Variants in SRP19 observed in about 807,000 individuals in gnomAD.
The protein encoded by SRP19 is signal recognition particle 19 kDa protein.
In SRP19, 11 loss-of-function variants were observed where a neutral mutation model predicts 22.4. The ratio of observed to expected loss-of-function variants is 0.49; its 90% CI spans 0.31 to 0.81. SRP19 has a LOEUF of 0.81. SRP19 is among the 40% of genes least tolerant of loss of function. SRP19 has a pLI of 0.05. For missense variants in SRP19, 168 were observed against 175.9 expected, an observed-to-expected ratio of 0.96 and a Z score of 0.25; for synonymous variants, 61 against 57.6, an observed-to-expected ratio of 1.06 and a Z score of -0.27.
intron 4 of SRP19, chr5:112,891,558 C>T (rs1003692822): frequency 2.6e-6 from 4 of 1,538,376 alleles, no homozygotes; most frequent in Middle Eastern, 1.7e-4. Context: ...AGTAGAATCA[C>T]TGACAGTGGC....
intron 4 of SRP19, 84 bp downstream of exon 4, chr5:112,864,816 A>C: frequency 1.9e-6 from 2 of 1,064,290 alleles, no homozygotes; most frequent in Non-Finnish European, 2.8e-6. Context: ...CTGAAAGGTA[A>C]AAGTCAGAAT....
At position 112,864,738 on chromosome 5, in the gene SRP19, C is replaced by G. The variant is rs1448318579; in HGVS notation, c.301+6C>G. 1 of 1,604,052 alleles carries G rather than the reference C, an allele frequency of 6.2e-7. No homozygotes were observed. The highest frequency in any genetic ancestry group is 1.1e-5 in the South Asian group (1 of 89,768). The stretch of plus-strand genomic sequence containing the variant: ...CCTTGTACAGTTCCCATCACGTAAG[C>G]TTGTTTAAATGAATCAGTGGGGCTC... On this transcript the variant is annotated splice_donor_region_variant and intron_variant, in intron 4 of 4. Transcript: ENST00000505459.
intron 4 of SRP19, among the ~76,000 whole-genome samples, chr5:112,884,192 T>G (rs967766146): frequency 1.3e-5 from 2 of 152,100 alleles, no homozygotes; most frequent in African/African-American, 4.8e-5. Flanking sequence ...TCACATAGAG[T>G]AGAAGCCAAA....
In SRP19 at chr5:112,890,534, C is replaced by T. The variant is rs566496865; in HGVS notation, c.302-1069C>T. ...ACAGGCATGCAGGCACGCACCATCA[C>T]GTCTGGCTAATTTTTGTACTTTTTG... On this transcript the variant is annotated intron_variant, in intron 4 of 4. Coordinates refer to the SRP19 transcript ENST00000391338. 1.6e-4 allele frequency among the ~76,000 whole-genome samples: 24 copies of T among 150,232 alleles called. 1 individual carries two copies. The Middle Eastern group carries it at 0.014, about 86-fold the overall frequency.
downstream of SRP19, chr5:112,893,089 G>C: frequency 1.8e-6 from 1 of 546,804 alleles, no homozygotes; most frequent in Non-Finnish European, 2.7e-6. Flanking sequence ...AACTAGTTTT[G>C]TTCTTAAAAA....
chr5:112,862,682 C>T (rs1767451715), intron 2 of SRP19, 99 bp downstream of exon 2: 13 of 1,029,332 alleles, frequency 1.3e-5, no homozygotes, highest in Non-Finnish European at 1.7e-5. Context: ...GTTCTCTTCA[C>T]TGCATTTATT....
chr5:112,877,144 G>A (rs945490165), intron 4 of SRP19: 2 of 152,006 alleles, frequency 1.3e-5, no homozygotes, highest in African/African-American at 2.4e-5. Context: ...ATAAAATGCC[G>A]GTAATCACCA....
intron 4 of SRP19, chr5:112,878,763 A>C: frequency 1.2e-6 from 2 of 1,614,132 alleles, no homozygotes; most frequent in Admixed American, 1.7e-5. Context: ...CAGAGAGGGC[A>C]GGAAGTTTCC....
rs768202015 is a variant in SRP19, at chr5:112,864,439, A to G, written c.118-18A>G. 6 of 1,607,722 alleles carry G rather than the reference A, an allele frequency of 3.7e-6. No homozygotes were observed. In the South Asian group the frequency reaches 6.6e-5, roughly 18 times the overall value. ...CTTAAAGCACATATATTTAGTGTTTATGTTTTTAACTGTTCAGGCTGTTGA... is the reference window on the plus strand; with the variant it reads ...CTTAAAGCACATATATTTAGTGTTTGTGTTTTTAACTGTTCAGGCTGTTGA... On this transcript the variant is annotated intron_variant, in intron 2 of 4. Transcript: ENST00000505459.
At chr5:112,864,982 G>T in intron 4 of SRP19, 1 of 306,290 alleles carries the variant, frequency 3.3e-6, no homozygotes, top group Non-Finnish European at 6.0e-6. Context: ...ATAAACCTCT[G>T]GAAGTCTGTC....
chr5:112,884,782 C>A (rs1027212023), intron 4 of SRP19, among the ~76,000 whole-genome samples: 21 of 151,616 alleles, frequency 1.4e-4, no homozygotes, highest in South Asian at 4.2e-4. Flanking sequence ...GTCCTTGGCC[C>A]CCCCCCATCT....
chr5:112,861,359 G>A lies in SRP19; in HGVS notation c.-18G>A. Reference sequence around the variant, plus strand: ...GGTTTCTCCCTGCGGCTCCTGGGTTGTTGAGACTCTTGTGAAGATGGCTTG... The same window carrying A: ...GGTTTCTCCCTGCGGCTCCTGGGTTATTGAGACTCTTGTGAAGATGGCTTG... On this transcript the variant is annotated 5_prime_UTR_variant, in exon 1 of 5. Transcript: ENST00000505459. 1.2e-6 allele frequency: 2 copies of A among 1,614,206 alleles called. No homozygotes were observed. Among genetic ancestry groups the A allele is most frequent in the Non-Finnish European group, 1.7e-6 (2 of 1,180,036 alleles).
chr5:112,869,895 A>AT (rs1237570575), downstream of SRP19: 1 of 152,234 alleles, frequency 6.6e-6, no homozygotes, highest in African/African-American at 2.4e-5. Flanking sequence ...TGTTTCCTTT[A>AT]TAATTAATCA....
chr5:112,861,289 G>T lies in SRP19; in HGVS notation c.-88G>T, dbSNP rs953385661. The T allele has an allele frequency of 2.3e-5, 34 of 1,484,060 alleles. No individual in the cohort carries two copies. In the Admixed American group the frequency reaches 5.5e-4, roughly 24 times the overall value. 91.9% of individuals were successfully genotyped at this position (1,484,060 alleles called of 1,614,324 possible). ...GGCAGGACTTCCGGCGGAAAAGCGG[G>T]CTGTCTCGGAAACTCAGAGCCGGGT... On this transcript the variant is annotated 5_prime_UTR_variant, in exon 1 of 5. Coordinates refer to ENST00000505459, the MANE Select transcript of SRP19 (RefSeq NM_003135.3).
chr5:112,883,405 C>G (rs1267569514), intron 4 of SRP19, among the ~76,000 whole-genome samples: 1 of 152,196 alleles, frequency 6.6e-6, no homozygotes, highest in East Asian at 1.9e-4. Flanking sequence ...CAGATCACTT[C>G]TCCTCTCTGA....
chr5:112,869,065 A>G lies in SRP19; in HGVS notation c.*1528A>G, dbSNP rs748912055. The G allele has an allele frequency of 1.3e-5, 2 of 152,214 alleles. No individual in the cohort carries two copies. Among genetic ancestry groups the G allele is most frequent in the Admixed American group, 1.3e-4 (2 of 15,276 alleles). 9.4% of individuals were successfully genotyped at this position (152,214 alleles called of 1,614,324 possible). On this transcript the variant is annotated 3_prime_UTR_variant, in exon 5 of 5. Coordinates refer to ENST00000505459, the MANE Select transcript of SRP19 (RefSeq NM_003135.3). ...GGTGTGTTTGGCTGTGTAACAAAAC[A>G]ATAAGGGGATGTGTTTGCTGTGTAA...
rs746140702 is a variant in SRP19, at chr5:112,861,403, G to A, written c.27G>A (p.Pro9=). 3.7e-6 allele frequency: 6 copies of A among 1,614,006 alleles called. No individual in the cohort carries two copies. The highest frequency in any genetic ancestry group is 2.2e-5 in the South Asian group (2 of 91,080). MACAAARS[P]ADQDRFICIY... is the part of the protein sequence containing the mutation. ...TGGCTTGCGCTGCCGCGCGGTCCCCGGCCGACCAGGACAGGTGGGTTCTGA... is the reference window on the plus strand; with the variant it reads ...TGGCTTGCGCTGCCGCGCGGTCCCCAGCCGACCAGGACAGGTGGGTTCTGA... The change falls in exon 1 of 5, where the codon CCG becomes CCA. Residue 9 remains proline (P), a synonymous_variant. Transcript: ENST00000505459.
At chr5:112,885,430 G>T in intron 4 of SRP19, 1 of 192,744 alleles carries the variant, frequency 5.2e-6, no homozygotes, top group East Asian at 1.5e-4. Context: ...GGGGATGGAT[G>T]CTCTGGTTAC....
downstream of SRP19, chr5:112,897,799 C>A (rs1460860371): frequency 6.6e-6 from 1 of 152,060 alleles, no homozygotes; most frequent in Non-Finnish European, 1.5e-5. Flanking sequence ...TGGCTCACAC[C>A]TGTAATCCCA....
Sources: gnomAD v4.1 joint callset for allele counts (sites outside exome capture counted in the v4.1 genomes callset) on GRCh38, gnomAD v4.1.1 for gene constraint, MANE v1.5 for transcripts, NCBI Gene and HGNC (gene_info 2026-07-23, HGNC 2026-07-21) for gene names.